PCDH15: variants seen among roughly 807,000 people sequenced by gnomAD.
PCDH15 encodes the protein protocadherin-15.
A neutral mutation model predicts 178.5 loss-of-function variants in PCDH15; 129 were observed. The ratio of observed to expected loss-of-function variants is 0.72; its 90% CI spans 0.63 to 0.84. The LOEUF is 0.84. PCDH15 is among the 40% of genes least tolerant of loss of function. The pLI is 0.00. For missense variants in PCDH15, 2,230 were observed against 2,099.9 expected (o/e 1.06, Z -1.21); for synonymous variants, 800 against 732.0 (o/e 1.09, Z -1.50).
intron 2 of PCDH15, among the ~76,000 whole-genome samples, chr10:54,630,070 G>A (rs2093660538): frequency 6.6e-6 from 1 of 152,100 alleles, no homozygotes; most frequent in Non-Finnish European, 1.5e-5. Flanking sequence ...ACAAAATACT[G>A]CTGAATGAAA....
chr10:53,871,764 T>A (rs1421135844), intron 26 of PCDH15, among the ~76,000 whole-genome samples: 1 of 151,284 alleles, frequency 6.6e-6, no homozygotes, highest in Non-Finnish European at 1.5e-5. Context: ...TGTTTTGTTT[T>A]GTTTTTGAGA....
chr10:55,363,355 TATAA>T (rs1845274596), intron 2 of PCDH15, among the ~76,000 whole-genome samples: 1 of 152,200 alleles, frequency 6.6e-6, no homozygotes, highest in African/African-American at 2.4e-5. Flanking sequence ...TTTTAACTGT[TATAA>T]ATAAAGTGAC....
Position 55,464,788 on chromosome 10 carries a change from G to T in PCDH15, c.-156+162837C>A, listed in dbSNP as rs566887847. Among the ~76,000 whole-genome samples, 5 of 149,534 alleles carry T rather than the reference G, an allele frequency of 3.3e-5. No individual in the cohort carries two copies. In the South Asian group the frequency reaches 1.1e-3, roughly 32 times the overall value. On this transcript the variant is annotated intron_variant, in intron 2 of 5. Transcript: ENST00000613346. ...TGATAAAAATTTCCTTTAGCTCCAA[G>T]GTAGTCATATTGTACTTAAGCACTT... is the stretch of plus-strand genomic sequence containing the variant.
chr10:55,058,575 G>T (rs952292798), intron 2 of PCDH15, among the ~76,000 whole-genome samples: 6 of 151,948 alleles, frequency 3.9e-5, no homozygotes, highest in African/African-American at 1.5e-4. Flanking sequence ...AACGTGTACC[G>T]TGTAGAATAT....
chr10:54,471,172 GGAAAA>G (rs1409026307), intron 3 of PCDH15, among the ~76,000 whole-genome samples: 1 of 151,914 alleles, frequency 6.6e-6, no homozygotes, highest in East Asian at 1.9e-4. Flanking sequence ...AAAATCACAA[GGAAAA>G]GAAAACATAT....
At chr10:54,918,244 A>G (rs1323120812) in intron 2 of PCDH15, among the ~76,000 whole-genome samples, 3 of 152,126 alleles carry the variant, frequency 2.0e-5, no homozygotes, top group Non-Finnish European at 4.4e-5. Context: ...AAATTACATT[A>G]CTCTGAAATT....
At chr10:54,297,270 G>A (rs2059859981) in intron 8 of PCDH15, among the ~76,000 whole-genome samples, 1 of 152,064 alleles carries the variant, frequency 6.6e-6, no homozygotes, top group Admixed American at 6.6e-5. Flanking sequence ...TAAGCCATTG[G>A]GACCAATTTG....
At chr10:54,807,530 T>C (rs1360536261) in intron 3 of PCDH15, among the ~76,000 whole-genome samples, 2 of 151,106 alleles carry the variant, frequency 1.3e-5, no homozygotes, top group African/African-American at 4.8e-5. Context: ...ACTTGGGAAC[T>C]TTTTTTTTCT....
chr10:53,871,920 C>T (rs1040357610), intron 26 of PCDH15, among the ~76,000 whole-genome samples: 3 of 151,882 alleles, frequency 2.0e-5, no homozygotes, highest in East Asian at 1.9e-4. Context: ...CTGAGGCGGG[C>T]GGATCACCTG....
chr10:54,365,977 A>G (rs189576579), intron 5 of PCDH15, among the ~76,000 whole-genome samples: 4 of 152,280 alleles, frequency 2.6e-5, no homozygotes, highest in South Asian at 2.1e-4. Context: ...ATGATATAAT[A>G]CCATAAATGT....
chr10:53,833,895 T>A (rs2077154475), intron 29 of PCDH15, among the ~76,000 whole-genome samples: 1 of 152,150 alleles, frequency 6.6e-6, no homozygotes, highest in Admixed American at 6.6e-5. Context: ...ACATGCCTTC[T>A]CATTTCAGGA....
At chr10:55,148,819 T>A (rs1838604857) in intron 2 of PCDH15, among the ~76,000 whole-genome samples, 1 of 149,226 alleles carries the variant, frequency 6.7e-6, no homozygotes, top group South Asian at 2.1e-4. Flanking sequence ...TATACAGCAG[T>A]CTATTTCAAC....
intron 2 of PCDH15, among the ~76,000 whole-genome samples, chr10:54,653,780 A>G (rs1021654930): frequency 6.6e-6 from 1 of 152,194 alleles, no homozygotes; most frequent in Non-Finnish European, 1.5e-5. Flanking sequence ...TGAAAACTCA[A>G]AATTCTTCCT....
At chr10:54,438,868 C>CT (rs1357212205) in intron 3 of PCDH15, among the ~76,000 whole-genome samples, 2 of 152,104 alleles carry the variant, frequency 1.3e-5, no homozygotes, top group Non-Finnish European at 2.9e-5. Flanking sequence ...AGCACTCTCA[C>CT]TTAGGCAGCT....
At chr10:54,254,850 T>A (rs1005328017) in intron 8 of PCDH15, among the ~76,000 whole-genome samples, 1 of 152,206 alleles carries the variant, frequency 6.6e-6, no homozygotes, top group Non-Finnish European at 1.5e-5. Context: ...TTCTTGATAT[T>A]TGCCCACCGG....
chr10:54,417,655 C>T (rs1363075502), intron 3 of PCDH15, among the ~76,000 whole-genome samples: 1 of 152,094 alleles, frequency 6.6e-6, no homozygotes, highest in African/African-American at 2.4e-5. Flanking sequence ...TGTATATTAA[C>T]ATTATTTGTC....
chr10:55,452,594 C>A (rs1184343529), intron 2 of PCDH15, among the ~76,000 whole-genome samples: 2 of 152,028 alleles, frequency 1.3e-5, no homozygotes, highest in Non-Finnish European at 2.9e-5. Context: ...ATATTTTGTT[C>A]TTTTATGGTG....
intron 2 of PCDH15, chr10:55,575,550 T>C (rs1842480480): frequency 6.6e-6 from 1 of 152,180 alleles, no homozygotes; most frequent in Non-Finnish European, 1.5e-5. Flanking sequence ...TGTAACGAAG[T>C]GTCTATAAAA....
chr10:54,130,228 CA>C (rs1049825231), intron 15 of PCDH15, among the ~76,000 whole-genome samples: 1 of 151,962 alleles, frequency 6.6e-6, no homozygotes, highest in Non-Finnish European at 1.5e-5. Context: ...GAATGCTTAA[CA>C]AAAAAACTTT....
Sources: gnomAD v4.1 joint callset for allele counts (sites outside exome capture counted in the v4.1 genomes callset) on GRCh38, gnomAD v4.1.1 for gene constraint, MANE v1.5 for transcripts, NCBI Gene and HGNC (gene_info 2026-07-23, HGNC 2026-07-21) for gene names.